LRRK2: variants seen among roughly 807,000 people sequenced by gnomAD.
The protein encoded by LRRK2 is leucine-rich repeat serine/threonine-protein kinase 2.
Under a neutral mutation model 302.6 loss-of-function variants are expected in LRRK2, and 203 were observed. The ratio of observed to expected loss-of-function variants is 0.67; its 90% CI spans 0.60 to 0.75. LRRK2 has a LOEUF of 0.75. LRRK2 is among the 30% of genes least tolerant of loss of function. The pLI, the probability that LRRK2 is intolerant of heterozygous loss-of-function variation, is 0.00. For missense variants in LRRK2, 2,830 were observed against 2,951.0 expected (o/e 0.96, Z 0.95); for synonymous variants, 1,066 against 1,031.9 (o/e 1.03, Z -0.63).
At chr12:40,260,660 T>A (rs537149695) in intron 13 of LRRK2, among the ~76,000 whole-genome samples, 1 of 152,104 alleles carries the variant, frequency 6.6e-6, no homozygotes, top group East Asian at 1.9e-4. Flanking sequence ...AATTTGCAAC[T>A]AAAGACAATA....
chr12:40,259,732 T>G, intron 13 of LRRK2, 128 bp downstream of exon 13: 1 of 1,220,618 alleles, frequency 8.2e-7, no homozygotes, highest in Non-Finnish European at 1.2e-6. Context: ...AATCTTTCTG[T>G]TAAACCAAAA....
chr12:40,287,587 A>T, intron 20 of LRRK2, 48 bp downstream of exon 20: 1 of 1,571,732 alleles, frequency 6.4e-7, no homozygotes, highest in Non-Finnish European at 8.7e-7. Flanking sequence ...TTACACACTG[A>T]CATTGAACAA....
At chr12:40,271,609 T>C (rs1012084084) in intron 14 of LRRK2, among the ~76,000 whole-genome samples, 2 of 152,154 alleles carry the variant, frequency 1.3e-5, no homozygotes, top group African/African-American at 2.4e-5. Flanking sequence ...ATGCAATACA[T>C]TACTATTTCA....
intron 40 of LRRK2, among the ~76,000 whole-genome samples, chr12:40,339,023 C>T (rs913747494): frequency 2.0e-5 from 3 of 152,010 alleles, no homozygotes; most frequent in African/African-American, 7.3e-5. Context: ...TCAAATGTCC[C>T]GACTACATCC....
At chr12:40,319,885 T>C (rs1945345467) in intron 33 of LRRK2, 103 bp from the exon 34 acceptor site, 2 of 1,153,924 alleles carry the variant, frequency 1.7e-6, no homozygotes, top group East Asian at 2.4e-5. Flanking sequence ...AACACTAAAA[T>C]CTTTCTGACT....
chr12:40,294,804 A>AATAAATG, intron 21 of LRRK2, 41 bp from the exon 22 acceptor site: 2 of 1,158,798 alleles, frequency 1.7e-6, no homozygotes, highest in Non-Finnish European at 2.5e-6. Context: ...CCTCTTCTCC[A>AATAAATG]ATAAATGACA....
At chr12:40,365,208 G>C in intron 49 of LRRK2, 158 bp downstream of exon 49, 1 of 668,332 alleles carries the variant, frequency 1.5e-6, no homozygotes, top group Non-Finnish European at 2.6e-6. Context: ...TGTGAATAGG[G>C]TCATTACAGA....
At position 40,294,935 on chromosome 12, in the gene LRRK2, A is replaced by G. The variant is rs201082290; in HGVS notation, c.2878+21A>G. 46 of 1,377,106 alleles carry G rather than the reference A, an allele frequency of 3.3e-5. 1 individual carries two copies. The South Asian group carries it at 5.7e-4, about 17-fold the overall frequency. 85.3% of individuals were successfully genotyped at this position (1,377,106 alleles called of 1,614,324 possible). ...ACTCAGTAAGTATTTGGATGTAATC[A>G]TAAGTAAATAGATATTTTGGGCAGA... is the stretch of plus-strand genomic sequence containing the variant. On this transcript the variant is annotated intron_variant, in intron 22 of 50. Transcript: ENST00000298910.
At chr12:40,365,236 C>A in intron 49 of LRRK2, 186 bp downstream of exon 49, 1 of 588,250 alleles carries the variant, frequency 1.7e-6, no homozygotes, top group Non-Finnish European at 3.0e-6. Flanking sequence ...GGAGTAAATG[C>A]TCTCAGTCCC....
At chr12:40,324,339 T>C (rs181918066) in intron 38 of LRRK2, among the ~76,000 whole-genome samples, 45 of 152,306 alleles carry the variant, frequency 3.0e-4, no homozygotes, top group African/African-American at 9.9e-4. Context: ...ATTTAACATA[T>C]ACATTATCTC....
chr12:40,328,413 G>T lies in LRRK2; in HGVS notation c.5710G>T (p.Ala1904Ser). 6.2e-7 allele frequency: 1 copy of T among 1,613,592 alleles called. No individual in the cohort carries two copies. The highest frequency in any genetic ancestry group is 8.5e-7 in the Non-Finnish European group (1 of 1,179,762). Residue 1904 changes from alanine (A) to serine (S), a missense_variant, in exon 39 of 51, where the codon GCT (alanine) becomes TCT (serine). Transcript: ENST00000298910. Reference protein sequence around the residue: ...YRAAYEGEEVAVKIFNKHTSL... With the variant: ...YRAAYEGEEVSVKIFNKHTSL... The stretch of plus-strand genomic sequence containing the variant: ...AGCAGCCTATGAAGGAGAAGAAGTG[G>T]CTGTGAAGATTTTTAATAAACATAC...
At chr12:40,339,212 A>G (rs1253130539) in intron 40 of LRRK2, among the ~76,000 whole-genome samples, 1 of 152,236 alleles carries the variant, frequency 6.6e-6, no homozygotes, top group Non-Finnish European at 1.5e-5. Context: ...GCCAAAACCA[A>G]CAGTCACGAA....
At chr12:40,343,688 T>C (rs1364816473) in intron 41 of LRRK2, among the ~76,000 whole-genome samples, 1 of 152,226 alleles carries the variant, frequency 6.6e-6, no homozygotes, top group Non-Finnish European at 1.5e-5. Context: ...TTTTCTCAAG[T>C]ATTTTAACAT....
chr12:40,336,963 T>G (rs1210834699), intron 40 of LRRK2, among the ~76,000 whole-genome samples: 1 of 152,228 alleles, frequency 6.6e-6, no homozygotes, highest in Non-Finnish European at 1.5e-5. Context: ...TAAAATGACT[T>G]ATTCTAGTTC....
intron 14 of LRRK2, among the ~76,000 whole-genome samples, chr12:40,268,612 A>G (rs1943115539): frequency 6.6e-6 from 1 of 152,186 alleles, no homozygotes; most frequent in African/African-American, 2.4e-5. Flanking sequence ...AGTAAAAATA[A>G]CAATAGTATT....
chr12:40,225,389 C>T, intron 1 of LRRK2, 107 bp downstream of exon 1: 1 of 1,403,754 alleles, frequency 7.1e-7, no homozygotes, highest in Non-Finnish European at 9.9e-7. Flanking sequence ...AACCCGGACT[C>T]TTAAGGAGCC....
At position 40,309,228 on chromosome 12, in the gene LRRK2, A is replaced by G. The variant is rs1944946357; in HGVS notation, c.4312A>G (p.Ile1438Val). The change falls in exon 30 of 51, where the codon ATA (isoleucine) becomes GTA (valine). Residue 1438 changes from isoleucine to valine, a missense_variant. Physicochemically the swap from Ile to Val is conservative, Grantham distance 29 (BLOSUM62 3). Around this residue, in one of 3 missense-constraint regions of LRRK2, gnomAD observed 2,121 missense variants for 2,148.0 expected, o/e 0.99. Coordinates refer to ENST00000298910, the MANE Select transcript of LRRK2 (RefSeq NM_198578.4). Reference sequence around the variant, plus strand: ...TGCCATGAAGCCTTGGCTCTTCAATATAAAGGTGATTTGTTCTGATCATTT... The same window carrying G: ...TGCCATGAAGCCTTGGCTCTTCAATGTAAAGGTGATTTGTTCTGATCATTT... The part of the protein sequence containing the change: ...VDAMKPWLFN[I>V]KARASSSPVI... The G allele has an allele frequency of 6.2e-7, 1 of 1,613,548 alleles. No individual in the cohort carries two copies. The highest frequency in any genetic ancestry group is 8.5e-7 in the Non-Finnish European group (1 of 1,179,768).
rs140300473 is a variant in LRRK2 at position 40,240,522 on chromosome 12, A to G, written c.611A>G (p.Asp204Gly). ...CTGACTGAATTTGTTGAGAACAAAG[A>G]TTATATGATATTGTTAAGTGCGTTA... ...EQLTEFVENK[D>G]YMILLSALTN... The change falls in exon 6 of 51, where the codon GAT becomes GGT. Residue 204 changes from aspartate (D) to glycine (G), a missense_variant. By Grantham distance (94) the Asp-to-Gly change is moderately conservative. Transcript: ENST00000298910. 1 of 1,613,236 alleles carries G rather than the reference A, an allele frequency of 6.2e-7. No homozygotes were observed. Among genetic ancestry groups the G allele is most frequent in the South Asian group, 1.1e-5 (1 of 91,056 alleles).
intron 14 of LRRK2, among the ~76,000 whole-genome samples, chr12:40,267,208 C>G (rs1287399471): frequency 1.3e-5 from 2 of 152,140 alleles, no homozygotes. Flanking sequence ...AGCTGGACTA[C>G]AATGCAAATG....
Sources: allele counts gnomAD v4.1 joint callset (sites outside exome capture counted in the v4.1 genomes callset), GRCh38; gene constraint gnomAD v4.1.1; regional missense constraint gnomAD v4.1.1; transcripts MANE v1.5; gene names NCBI Gene and HGNC (gene_info 2026-07-23, HGNC 2026-07-21).